Variants in CCDC27 observed in about 807,000 individuals in gnomAD.
CCDC27 encodes coiled-coil domain containing 27.
Under a neutral mutation model 80.3 loss-of-function variants are expected in CCDC27, and 80 were observed. The ratio of observed to expected loss-of-function variants is 1.00; its 90% CI spans 0.83 to 1.20. CCDC27 has a LOEUF of 1.20. Ranked by LOEUF, CCDC27 falls within the 50% of genes most tolerant of loss-of-function variation. The pLI is 0.00. For synonymous variants in CCDC27, 342 were observed against 334.3 expected (o/e 1.02, Z -0.25); for missense variants, 815 against 809.4 (o/e 1.01, Z -0.08).
rs1056535185 is a variant in CCDC27 at position 3,766,431 on chromosome 1, A to T, written c.1453-104A>T. ...TGCCTTCAATAGAAATCCCGCTGCT[A>T]TTATTTTAGGGAGCTTTGGGGAAGG... On this transcript the variant is annotated intron_variant, in intron 8 of 11. Coordinates refer to ENST00000294600, the MANE Select transcript of CCDC27 (RefSeq NM_152492.3). The surrounding 1 kb of genome is among the most constrained non-coding windows in gnomAD (Gnocchi z 6.1). 11 of 693,614 alleles carry T rather than the reference A, an allele frequency of 1.6e-5. No individual in the cohort carries two copies. In the South Asian group the frequency reaches 2.1e-4, roughly 13 times the overall value. 43.0% of individuals were successfully genotyped at this position (693,614 alleles called of 1,614,324 possible).
At position 3,760,957 on chromosome 1, in the gene CCDC27, G is replaced by C. The variant is rs1643069786; in HGVS notation, c.712-324G>C. ...GAAGACTGGTGTCCTGTGGTATAGT[G>C]GGGTGCAGGGACACACCACGGGCCA... On this transcript the variant is annotated intron_variant, in intron 4 of 11. Coordinates refer to ENST00000294600, the MANE Select transcript of CCDC27 (RefSeq NM_152492.3). The surrounding 1 kb of genome is among the most constrained non-coding windows in gnomAD (Gnocchi z 4.3). 6.6e-6 allele frequency among the ~76,000 whole-genome samples: 1 copy of C among 152,140 alleles called. No individual in the cohort carries two copies. The highest frequency in any genetic ancestry group is 2.4e-5 in the African/African-American group (1 of 41,410).
chr1:3,757,896 T>C (rs1160162972), intron 4 of CCDC27, among the ~76,000 whole-genome samples: 5 of 141,820 alleles, frequency 3.5e-5, no homozygotes, highest in Non-Finnish European at 7.6e-5. Context: ...CACTCCAGCC[T>C]GGGTGACAGA....
intron 3 of CCDC27, chr1:3,756,078 C>G (rs1321556858): frequency 6.3e-6 from 1 of 159,770 alleles, no homozygotes; most frequent in African/African-American, 2.4e-5. Flanking sequence ...CAGTGGCTCA[C>G]GCCTGTAATC....
rs145188556 is a variant in CCDC27, at chr1:3,763,729, C to G, written c.1345C>G (p.Gln449Glu). The change falls in exon 8 of 12, where the codon CAA (glutamine) becomes GAA (glutamate). Residue 449 changes from glutamine to glutamate, a missense_variant. Gln to Glu is a conservative substitution (Grantham distance 29, BLOSUM62 2). Coordinates refer to ENST00000294600, the MANE Select transcript of CCDC27 (RefSeq NM_152492.3). This position sits in a 1 kb window ranked among gnomAD's most constrained non-coding sequence, Gnocchi z 7.5. ...ATGVIASLQQ[Q>E]VDFQETQLRK... ...AGGAGTGATTGCGTCTTTACAACAA[C>G]AAGTGGATTTCCAAGAAACCCAGCT... is the stretch of plus-strand genomic sequence containing the variant. 115 of 1,614,012 alleles carry G rather than the reference C, an allele frequency of 7.1e-5. 2 individuals are homozygous for G. In the South Asian group the frequency reaches 8.9e-4, roughly 12 times the overall value.
chr1:3,771,467 C>T lies in CCDC27; in HGVS notation c.1915C>T (p.Leu639=), dbSNP rs780353796. Residue 639 remains leucine (L), a synonymous_variant, in exon 12 of 12, where the codon CTG becomes TTG. Transcript: ENST00000294600. ...GCAGAAAGGCGTCAAAGTGCCCCCC[C>T]TGCAACAGTCAGAGGCCTTCCTGAC... ...LKQKGVKVPP[L]QQSEAFLTSK... The T allele has an allele frequency of 4.3e-6, 7 of 1,614,058 alleles. No homozygotes were observed. Among genetic ancestry groups the T allele is most frequent in the South Asian group, 1.1e-5 (1 of 91,082 alleles).
chr1:3,763,027 GC>G lies in CCDC27; in HGVS notation c.955-76del. The stretch of plus-strand genomic sequence containing the variant: ...CCTGGAAGGAGGCGCCCTCCCCGGT[GC>G]CCCCGCCATGAGCATTAGAGCCCTC... On this transcript the variant is annotated intron_variant, in intron 6 of 11. Transcript: ENST00000294600. This position sits in a 1 kb window ranked among gnomAD's most constrained non-coding sequence, Gnocchi z 7.5. 1 of 1,416,770 alleles carries G rather than the reference GC, an allele frequency of 7.1e-7. No individual in the cohort carries two copies. 87.8% of individuals were successfully genotyped at this position (1,416,770 alleles called of 1,614,324 possible).
rs1643162520 is a variant in CCDC27, at chr1:3,763,938, A to T, written c.1452+102A>T. 2 of 1,486,708 alleles carry T rather than the reference A, an allele frequency of 1.3e-6. No individual in the cohort carries two copies. The highest frequency in any genetic ancestry group is 1.8e-6 in the Non-Finnish European group (2 of 1,112,138). 92.1% of individuals were successfully genotyped at this position (1,486,708 alleles called of 1,614,324 possible). ...CAGGCGCTGCCCGTCCCATCTACTG[A>T]TGGAGACTTTGAGCCTGGGGTGTCC... On this transcript the variant is annotated intron_variant, in intron 8 of 11. Coordinates refer to ENST00000294600, the MANE Select transcript of CCDC27 (RefSeq NM_152492.3). This position sits in a 1 kb window ranked among gnomAD's most constrained non-coding sequence, Gnocchi z 7.5.
chr1:3,763,460 A>G lies in CCDC27; in HGVS notation c.1307A>G (p.Tyr436Cys). ...QFNLEATRTRYSLATGVIASL... is the reference protein window; with the variant it reads ...QFNLEATRTRCSLATGVIASL... The stretch of plus-strand genomic sequence containing the variant: ...AACCTGGAGGCCACCAGGACCAGAT[A>G]CTCCCTTGCAACAGGTAGGGCCTCG... The change falls in exon 7 of 12, where the codon TAC becomes TGC. Residue 436 changes from tyrosine (Y) to cysteine (C), a missense_variant. By Grantham distance (194) the Tyr-to-Cys change is radical. Transcript: ENST00000294600. This position sits in a 1 kb window ranked among gnomAD's most constrained non-coding sequence, Gnocchi z 7.5. The G allele has an allele frequency of 6.2e-7, 1 of 1,602,190 alleles. No individual in the cohort carries two copies. The highest frequency in any genetic ancestry group is 1.3e-5 in the African/African-American group (1 of 74,610).
At chr1:3,762,553 C>A in intron 5 of CCDC27, 67 bp from the exon 6 acceptor site, 1 of 1,266,906 alleles carries the variant, frequency 7.9e-7, no homozygotes, top group Non-Finnish European at 1.1e-6. Context: ...CTAGGACAGG[C>A]AGTGGTCTGT....
Position 3,763,867 on chromosome 1 carries a change from C to A in CCDC27, c.1452+31C>A. 2 of 1,608,702 alleles carry A rather than the reference C, an allele frequency of 1.2e-6. No homozygotes were observed. The highest frequency in any genetic ancestry group is 1.1e-5 in the South Asian group (1 of 90,730). On this transcript the variant is annotated intron_variant, in intron 8 of 11. Coordinates refer to ENST00000294600, the MANE Select transcript of CCDC27 (RefSeq NM_152492.3). The surrounding 1 kb of genome is among the most constrained non-coding windows in gnomAD (Gnocchi z 7.5). ...CGTGCGCTCAGTACCGGCCTCCGCT[C>A]CATGAGCATGGGCCCCAGGCTTCAT...
At chr1:3,770,872 A>G (rs1453314475) in intron 11 of CCDC27, among the ~76,000 whole-genome samples, 8 of 152,206 alleles carry the variant, frequency 5.3e-5, no homozygotes, top group Non-Finnish European at 1.0e-4. Flanking sequence ...TTCCCACCGC[A>G]CAGTAGCCAG....
Position 3,769,808 on chromosome 1 carries a change from T to A in CCDC27, c.1769T>A (p.Ile590Asn). 1 of 1,614,004 alleles carries A rather than the reference T, an allele frequency of 6.2e-7. No homozygotes were observed. The highest frequency in any genetic ancestry group is 8.5e-7 in the Non-Finnish European group (1 of 1,179,926). The change falls in exon 11 of 12, where the codon ATC (isoleucine) becomes AAC (asparagine). Residue 590 changes from isoleucine (I) to asparagine (N), a missense_variant. Physicochemically the swap from Ile to Asn is moderately radical, Grantham distance 149 (BLOSUM62 -3). Coordinates refer to ENST00000294600, the MANE Select transcript of CCDC27 (RefSeq NM_152492.3). This position sits in a 1 kb window ranked among gnomAD's most constrained non-coding sequence, Gnocchi z 4.6. ...SRLERLRNKI[I>N]QATFSISGTK... is the part of the protein sequence containing the mutation. ...CTCGAGAGGTTAAGGAATAAGATCA[T>A]CCAGGCCACCTTTAGCATCTCCGGG...
At position 3,760,548 on chromosome 1, in the gene CCDC27, G is replaced by C. The variant is rs1468428783; in HGVS notation, c.712-733G>C. Among the ~76,000 whole-genome samples, 2 of 152,188 alleles carry C rather than the reference G, an allele frequency of 1.3e-5. No homozygotes were observed. The highest frequency in any genetic ancestry group is 2.9e-5 in the Non-Finnish European group (2 of 68,046). Reference sequence around the variant, plus strand: ...TCACAACTTTAACTGCGTCCCACGAGCTTTGATGTGTCCGGATGTTCATTA... The same window carrying C: ...TCACAACTTTAACTGCGTCCCACGACCTTTGATGTGTCCGGATGTTCATTA... On this transcript the variant is annotated intron_variant, in intron 4 of 11. Coordinates refer to ENST00000294600, the MANE Select transcript of CCDC27 (RefSeq NM_152492.3). The surrounding 1 kb of genome is among the most constrained non-coding windows in gnomAD (Gnocchi z 4.3).
At chr1:3,765,035 CAA>C (rs57991746) in intron 8 of CCDC27, among the ~76,000 whole-genome samples, 25,492 of 115,058 alleles carry the variant, frequency 0.22, 2,919 homozygotes, top group East Asian at 0.57. Context: ...AACTCCATCT[CAA>C]AAAAAAAAAA....
rs1643309178 is a variant in CCDC27 at position 3,769,495 on chromosome 1, G to A, written c.1744-288G>A. Among the ~76,000 whole-genome samples the A allele has an allele frequency of 6.6e-6, 1 of 152,130 alleles. No individual in the cohort carries two copies. The highest frequency in any genetic ancestry group is 2.1e-4 in the South Asian group (1 of 4,832). ...TGTTGGTTTAAAAATATATATATAT[G>A]TGTGTGTAGGTTTTACTTTCCAATT... On this transcript the variant is annotated intron_variant, in intron 10 of 11. Coordinates refer to ENST00000294600, the MANE Select transcript of CCDC27 (RefSeq NM_152492.3). This position sits in a 1 kb window ranked among gnomAD's most constrained non-coding sequence, Gnocchi z 4.6.
intron 4 of CCDC27, 54 bp downstream of exon 4, chr1:3,756,944 G>C: frequency 6.4e-7 from 1 of 1,565,850 alleles, no homozygotes; most frequent in Non-Finnish European, 8.7e-7. Flanking sequence ...TCTGCGTCCG[G>C]CTGGGAGGAC....
At chr1:3,771,251 A>G (rs1459411963) in intron 11 of CCDC27, 150 bp from the exon 12 acceptor site, 2 of 904,110 alleles carry the variant, frequency 2.2e-6, no homozygotes, top group East Asian at 5.0e-5. Context: ...GGTTGTAAGT[A>G]TTCACCAGCA....
At position 3,763,983 on chromosome 1, in the gene CCDC27, G is replaced by C; in HGVS notation, c.1452+147G>C. ...GTGTCCAGGCAGCTGGCCCAGGGTT[G>C]TGCGGCTGATAGCGGCCCCGCTAGG... On this transcript the variant is annotated intron_variant, in intron 8 of 11. Coordinates refer to ENST00000294600, the MANE Select transcript of CCDC27 (RefSeq NM_152492.3). This position sits in a 1 kb window ranked among gnomAD's most constrained non-coding sequence, Gnocchi z 7.5. 1.5e-6 allele frequency: 2 copies of C among 1,371,442 alleles called. No homozygotes were observed. The highest frequency in any genetic ancestry group is 1.9e-6 in the Non-Finnish European group (2 of 1,032,384). The allele number at this position is 1,371,442 out of a possible 1,614,324, so 85.0% of individuals were successfully genotyped here.
Position 3,761,637 on chromosome 1 carries a change from C to T in CCDC27, c.861+207C>T, listed in dbSNP as rs562896725. Among the ~76,000 whole-genome samples the T allele has an allele frequency of 2.7e-5, 4 of 149,048 alleles. No individual in the cohort carries two copies. The highest frequency in any genetic ancestry group is 9.7e-5 in the African/African-American group (4 of 41,402). On this transcript the variant is annotated intron_variant, in intron 5 of 11. Transcript: ENST00000294600. The surrounding 1 kb of genome is among the most constrained non-coding windows in gnomAD (Gnocchi z 5.0). ...AGAGGCACGAAATGACAAATGAGAG[C>T]CATGAGCTGATGCAACAGGGGGGGG... is the stretch of plus-strand genomic sequence containing the variant.
Sources: allele counts gnomAD v4.1 joint callset (sites outside exome capture counted in the v4.1 genomes callset), GRCh38; gene constraint gnomAD v4.1.1; non-coding constraint Gnocchi (gnomAD v3.1); transcripts MANE v1.5; gene names NCBI Gene and HGNC (gene_info 2026-07-23, HGNC 2026-07-21).